Variants in PLXNB1 observed in about 807,000 individuals in gnomAD.
PLXNB1 encodes the protein plexin B1.
A neutral mutation model predicts 209.4 loss-of-function variants in PLXNB1; 106 were observed. The ratio of observed to expected loss-of-function variants is 0.51; its 90% CI spans 0.43 to 0.59. The LOEUF (loss-of-function observed/expected upper bound fraction) is 0.59. PLXNB1 is among the 20% of genes least tolerant of loss of function. The pLI, the probability that PLXNB1 is intolerant of heterozygous loss-of-function variation, is 0.00. For synonymous variants in PLXNB1, 1,167 were observed against 1,183.2 expected (o/e 0.99, Z 0.28); for missense variants, 2,357 against 2,853.2 (o/e 0.83, Z 3.96).
rs778301118 is a variant in PLXNB1, at chr3:48,415,706, G to T, written c.3671C>A (p.Thr1224Lys). Residue 1224 changes from threonine (T) to lysine (K), a missense_variant, in exon 19 of 38, where the codon ACG becomes AAG. Thr to Lys is a moderately conservative substitution (Grantham distance 78, BLOSUM62 -1). This residue lies in a region of PLXNB1 where 743 missense variants were observed against 896.2 expected (regional missense o/e 0.83). Transcript: ENST00000296440. The surrounding 1 kb of genome is among the most constrained non-coding windows in gnomAD (Gnocchi z 5.0). ...CACAGCCACAGGGAGCGTGGCAGGC[G>T]TGGGGCGTGGGCTGGTCTCACACCG... The part of the protein sequence containing the change: ...QLRCETSPRP[T>K]PATLPVAVWF... 3.2e-6 allele frequency: 5 copies of T among 1,553,412 alleles called. No individual in the cohort carries two copies. Among genetic ancestry groups the T allele is most frequent in the Non-Finnish European group, 2.6e-6 (3 of 1,148,050 alleles).
rs765486980 is a variant in PLXNB1, at chr3:48,418,645, G to C, written c.2956-103C>G. On this transcript the variant is annotated intron_variant, in intron 13 of 37. Coordinates refer to ENST00000296440, the MANE Select transcript of PLXNB1 (RefSeq NM_001130082.3). The surrounding 1 kb of genome is among the most constrained non-coding windows in gnomAD (Gnocchi z 6.6). ...ACTAAAACGACCAGTTAGGAGCATA[G>C]GGTCAGAGGGACCCCATGGGGCCAC... 5.6e-6 allele frequency: 6 copies of C among 1,064,450 alleles called. No homozygotes were observed. Among genetic ancestry groups the C allele is most frequent in the Non-Finnish European group, 8.4e-6 (6 of 714,510 alleles). The allele number at this position is 1,064,450 out of a possible 1,614,324, so 65.9% of individuals were successfully genotyped here. A position where few individuals can be genotyped will look rare whatever the true frequency, so the allele number is the denominator to read the frequency against.
chr3:48,414,164 G>C (rs1560055082), intron 21 of PLXNB1, 93 bp from the exon 22 acceptor site: 4 of 1,259,354 alleles, frequency 3.2e-6, no homozygotes, highest in East Asian at 2.3e-5. Context: ...CCCAGCCGCA[G>C]CAGCAAAGCT....
rs374413275 is a variant in PLXNB1 at position 48,420,875 on chromosome 3, G to T, written c.1892C>A (p.Ala631Glu). 3 of 1,613,858 alleles carry T rather than the reference G, an allele frequency of 1.9e-6. No individual in the cohort carries two copies. Among genetic ancestry groups the T allele is most frequent in the Non-Finnish European group, 2.5e-6 (3 of 1,179,838 alleles). Residue 631 changes from alanine (A) to glutamate (E), a missense_variant, in exon 9 of 38, where the codon GCG becomes GAG. Around this residue, in one of 7 missense-constraint regions of PLXNB1, gnomAD observed 214 missense variants for 297.1 expected, o/e 0.72. Transcript: ENST00000296440. Reference protein sequence around the residue: ...KTSLSFYDCVAVTELRPSAQC... With the variant: ...KTSLSFYDCVEVTELRPSAQC... ...CGCAGATGGGCGGAGTTCAGTGACC[G>T]CCACACAGTCATAGAAAGAGAGGGA...
chr3:48,427,649 G>C (rs2038963524), intron 1 of PLXNB1, among the ~76,000 whole-genome samples: 1 of 152,146 alleles, frequency 6.6e-6, no homozygotes, highest in African/African-American at 2.4e-5. Flanking sequence ...CCCCACACAT[G>C]CCCTTCGTTC....
At chr3:48,412,705 G>A (rs1164746442) in intron 25 of PLXNB1, 37 bp downstream of exon 25, 15 of 1,607,466 alleles carry the variant, frequency 9.3e-6, no homozygotes, top group Non-Finnish European at 1.3e-5. Flanking sequence ...GAAGGGGCAG[G>A]GCCAGGGGCA....
At position 48,418,991 on chromosome 3, in the gene PLXNB1, C is replaced by T. The variant is rs1325102005; in HGVS notation, c.2881G>A (p.Val961Met). The change falls in exon 13 of 38, where the codon GTG becomes ATG. Residue 961 changes from valine to methionine, a missense_variant. Coordinates refer to ENST00000296440, the MANE Select transcript of PLXNB1 (RefSeq NM_001130082.3). The surrounding 1 kb of genome is among the most constrained non-coding windows in gnomAD (Gnocchi z 6.6). Reference sequence around the variant, plus strand: ...CACTCGACCCGGGCCTCAACCACCACCTCGAGGCCCTCCAGCTCCATCACA... The same window carrying T: ...CACTCGACCCGGGCCTCAACCACCATCTCGAGGCCCTCCAGCTCCATCACA... ...ECVMELEGLE[V>M]VVEARVECEP... 1.2e-6 allele frequency: 2 copies of T among 1,613,936 alleles called. No homozygotes were observed. The highest frequency in any genetic ancestry group is 1.3e-5 in the African/African-American group (1 of 74,908).
rs1208870577 is a variant in PLXNB1, at chr3:48,405,045, G to T, written c.6304-455C>A. On this transcript the variant is annotated intron_variant, in intron 37 of 37. Transcript: ENST00000296440. The surrounding 1 kb of genome is among the most constrained non-coding windows in gnomAD (Gnocchi z 5.0). ...AGGAACCGGAGGGCAGCAGCACTTG[G>T]GAAAACAGCTACTGCCCACTATGTC... is the stretch of plus-strand genomic sequence containing the variant. Among the ~76,000 whole-genome samples, 1 of 152,184 alleles carries T rather than the reference G, an allele frequency of 6.6e-6. No homozygotes were observed. The highest frequency in any genetic ancestry group is 1.5e-5 in the Non-Finnish European group (1 of 68,024).
Position 48,418,667 on chromosome 3 carries a change from C to T in PLXNB1, c.2956-125G>A, listed in dbSNP as rs1445021247. The T allele has an allele frequency of 1.2e-5, 11 of 939,104 alleles. No individual in the cohort carries two copies. Among genetic ancestry groups the T allele is most frequent in the Non-Finnish European group, 1.8e-5 (11 of 610,684 alleles). 58.2% of individuals were successfully genotyped at this position (939,104 alleles called of 1,614,324 possible). ...ATAGGGTCAGAGGGACCCCATGGGG[C>T]CACAAGTTGGAGGGCAGAGCCAGAA... On this transcript the variant is annotated intron_variant, in intron 13 of 37. Coordinates refer to ENST00000296440, the MANE Select transcript of PLXNB1 (RefSeq NM_001130082.3). This position sits in a 1 kb window ranked among gnomAD's most constrained non-coding sequence, Gnocchi z 6.6.
chr3:48,416,433 C>A lies in PLXNB1; in HGVS notation c.3393G>T (p.Gly1131=). The change falls in exon 17 of 38, where the codon GGG becomes GGT. Residue 1131 remains glycine (G), a synonymous_variant. Transcript: ENST00000296440. This position sits in a 1 kb window ranked among gnomAD's most constrained non-coding sequence, Gnocchi z 4.1. ...EVSSSLVCIT[G]ASGEEVAGAT... ...CGCCGGCCACCTCCTCCCCACTGGC[C>A]CCGGTGATGCACACGAGGCTGTAGG... 1 of 1,612,876 alleles carries A rather than the reference C, an allele frequency of 6.2e-7. No individual in the cohort carries two copies. The highest frequency in any genetic ancestry group is 1.1e-5 in the South Asian group (1 of 91,038).
Position 48,405,862 on chromosome 3 carries a change from C to T in PLXNB1, c.6229-64G>A. On this transcript the variant is annotated intron_variant, in intron 36 of 37. Coordinates refer to ENST00000296440, the MANE Select transcript of PLXNB1 (RefSeq NM_001130082.3). The surrounding 1 kb of genome is among the most constrained non-coding windows in gnomAD (Gnocchi z 5.0). ...GGTGCAGAGAGCCACAGGAGGCAGCCCAGGACCCCAGGGAAGGGCTGGGGG... is the reference window on the plus strand; with the variant it reads ...GGTGCAGAGAGCCACAGGAGGCAGCTCAGGACCCCAGGGAAGGGCTGGGGG... 3.8e-6 allele frequency: 5 copies of T among 1,322,318 alleles called. No individual in the cohort carries two copies. Among genetic ancestry groups the T allele is most frequent in the Non-Finnish European group, 5.4e-6 (5 of 923,710 alleles). 81.9% of individuals were successfully genotyped at this position (1,322,318 alleles called of 1,614,324 possible). A position where few individuals can be genotyped will look rare whatever the true frequency, so the allele number is the denominator to read the frequency against.
rs539933118 is a variant in PLXNB1, at chr3:48,417,832, G to A, written c.3374+79C>T. On this transcript the variant is annotated intron_variant, in intron 16 of 37. Coordinates refer to ENST00000296440, the MANE Select transcript of PLXNB1 (RefSeq NM_001130082.3). This position sits in a 1 kb window ranked among gnomAD's most constrained non-coding sequence, Gnocchi z 4.4. The stretch of plus-strand genomic sequence containing the variant: ...GAGAGAGGGGGGCAGATGAGCGGTG[G>A]GTGGGAGGCCCCAAGCAGCAACGCC... 2.2e-4 allele frequency: 315 copies of A among 1,425,408 alleles called. No homozygotes were observed. Among genetic ancestry groups the A allele is most frequent in the Non-Finnish European group, 2.8e-4 (291 of 1,037,672 alleles). 88.3% of individuals were successfully genotyped at this position (1,425,408 alleles called of 1,614,324 possible).
intron 1 of PLXNB1, among the ~76,000 whole-genome samples, chr3:48,427,074 C>T (rs546651034): frequency 3.9e-4 from 60 of 152,282 alleles, no homozygotes; most frequent in African/African-American, 1.3e-3. Context: ...GAGCCTACTG[C>T]GTGCCAAAGT....
rs1007751347 is a variant in PLXNB1, at chr3:48,411,732, C to G, written c.5247+131G>C. 1.2e-5 allele frequency: 13 copies of G among 1,074,618 alleles called. No individual in the cohort carries two copies. The highest frequency in any genetic ancestry group is 1.6e-5 in the Non-Finnish European group (12 of 738,392). 66.6% of individuals were successfully genotyped at this position (1,074,618 alleles called of 1,614,324 possible). A position where few individuals can be genotyped will look rare whatever the true frequency, so the allele number is the denominator to read the frequency against. On this transcript the variant is annotated intron_variant, in intron 28 of 37. Transcript: ENST00000296440. The surrounding 1 kb of genome is among the most constrained non-coding windows in gnomAD (Gnocchi z 4.0). ...CTGATGGGCTCTCTCCAGGAGCCAG[C>G]CAGAGGTCAACCCAGCTCTACATCC...
At chr3:48,412,210 G>A in intron 27 of PLXNB1, 28 bp downstream of exon 27, 1 of 1,610,966 alleles carries the variant, frequency 6.2e-7, no homozygotes, top group Non-Finnish European at 8.5e-7. Context: ...TCCCTGGACA[G>A]GAGCCCTGTC....
At chr3:48,425,820 A>G (rs571491948) in intron 1 of PLXNB1, among the ~76,000 whole-genome samples, 111 of 151,294 alleles carry the variant, frequency 7.3e-4, no homozygotes, top group Admixed American at 2.2e-3. Flanking sequence ...ACACACACAC[A>G]CACACACACA....
rs2037311445 is a variant in PLXNB1 at position 48,406,281 on chromosome 3, T to G, written c.6229-483A>C. 6.6e-6 allele frequency among the ~76,000 whole-genome samples: 1 copy of G among 152,244 alleles called. No homozygotes were observed. Among genetic ancestry groups the G allele is most frequent in the Non-Finnish European group, 1.5e-5 (1 of 68,048 alleles). ...CAACTTCCTCACCTGGACGATGGAA[T>G]TGGTGTCACCTAGCTTGTGGAGTTC... On this transcript the variant is annotated intron_variant, in intron 36 of 37. Transcript: ENST00000296440. This position sits in a 1 kb window ranked among gnomAD's most constrained non-coding sequence, Gnocchi z 4.4.
chr3:48,422,569 C>T (rs1028840089), intron 4 of PLXNB1, 110 bp from the exon 5 acceptor site: 1 of 1,380,068 alleles, frequency 7.2e-7, no homozygotes, highest in African/African-American at 1.5e-5. Context: ...TCCTCCTAGG[C>T]AGTCACAGGT....
intron 21 of PLXNB1, 152 bp downstream of exon 21, chr3:48,414,647 A>C: frequency 1.9e-5 from 17 of 888,810 alleles, no homozygotes; most frequent in Non-Finnish European, 2.7e-5. Context: ...ACCCCCCACC[A>C]GCCCCCTCTG....
intron 2 of PLXNB1, 108 bp from the exon 3 acceptor site, chr3:48,424,725 C>T (rs1364597911): frequency 4.2e-6 from 5 of 1,182,328 alleles, no homozygotes; most frequent in African/African-American, 1.5e-5. Flanking sequence ...TCCTCCTAAC[C>T]TAGGGGGTGA....
Sources: gnomAD v4.1 joint callset for allele counts (sites outside exome capture counted in the v4.1 genomes callset) on GRCh38, gnomAD v4.1.1 for gene constraint, gnomAD v4.1.1 regional missense constraint, Gnocchi (gnomAD v3.1) non-coding constraint, MANE v1.5 for transcripts, NCBI Gene and HGNC (gene_info 2026-07-23, HGNC 2026-07-21) for gene names.